CABIN1: variants seen among roughly 807,000 people sequenced by gnomAD.
CABIN1 encodes the protein calcineurin binding protein 1.
A neutral mutation model predicts 227.7 loss-of-function variants in CABIN1; 133 were observed. That is an observed-to-expected ratio of 0.58 (90% CI 0.51 to 0.67). The LOEUF (loss-of-function observed/expected upper bound fraction) is 0.67, where lower values mean the gene tolerates loss of function less well. Ranked by LOEUF, CABIN1 falls within the 30% of genes least tolerant of loss-of-function variation. CABIN1 has a pLI of 0.00. For synonymous variants in CABIN1, 1,086 were observed against 1,155.1 expected (o/e 0.94, Z 1.21); for missense variants, 2,408 against 2,852.5 (o/e 0.84, Z 3.55).
rs755445247 is a variant in CABIN1, at chr22:24,050,877, G to A, written c.709G>A (p.Val237Ile). ...SVSAAETQAI[V>I]DEALGLRKKR... ...GAGTGCAGCTGAGACACAGGCGATT[G>A]TAGATGAGGCCTTGGGGCTGCGAAA... Residue 237 changes from valine (V) to isoleucine (I), a missense_variant, in exon 8 of 37, where the codon GTA becomes ATA. Val to Ile is a conservative substitution (Grantham distance 29). Around this residue, in one of 3 missense-constraint regions of CABIN1, gnomAD observed 1,045 missense variants for 1,168.4 expected, o/e 0.89. Coordinates refer to ENST00000263119, the MANE Select transcript of CABIN1 (RefSeq NM_012295.4). 8.7e-6 allele frequency: 14 copies of A among 1,614,124 alleles called. No homozygotes were observed. The East Asian group carries it at 2.9e-4, about 33-fold the overall frequency.
intron 8 of CABIN1, 83 bp downstream of exon 8, chr22:24,051,057 C>G (rs2038294718): frequency 1.1e-5 from 18 of 1,571,038 alleles, no homozygotes; most frequent in Non-Finnish European, 1.5e-5. Flanking sequence ...GAGGGAGAGA[C>G]CTTGAGGCTT....
intron 26 of CABIN1, among the ~76,000 whole-genome samples, chr22:24,106,694 C>T (rs975991451): frequency 2.6e-5 from 4 of 152,220 alleles, no homozygotes; most frequent in Admixed American, 6.5e-5. Context: ...TTCTGTCTGT[C>T]TGTGGCCTCT....
At chr22:24,155,966 G>A in intron 29 of CABIN1, 1 of 526,372 alleles carries the variant, frequency 1.9e-6, no homozygotes, top group Non-Finnish European at 3.3e-6. Flanking sequence ...CCGTCCGGCC[G>A]CGCCTGCCCC....
chr22:24,165,113 G>A (rs1002206231), intron 30 of CABIN1, among the ~76,000 whole-genome samples: 1 of 152,198 alleles, frequency 6.6e-6, no homozygotes. Flanking sequence ...GCCTCACTCC[G>A]TCAGCTGGAC....
chr22:24,176,716 G>T lies in CABIN1; in HGVS notation c.6205+441G>T, dbSNP rs376691951. Among the ~76,000 whole-genome samples, 73 of 152,280 alleles carry T rather than the reference G, an allele frequency of 4.8e-4. No homozygotes were observed. In the East Asian group the frequency reaches 0.013, roughly 27 times the overall value. Reference sequence around the variant, plus strand: ...ACAGGTTGGGCTGGGCCAAGCAGGCGTCCCCGTCGACAGCCACGTCAGATT... The same window carrying T: ...ACAGGTTGGGCTGGGCCAAGCAGGCTTCCCCGTCGACAGCCACGTCAGATT... On this transcript the variant is annotated intron_variant, in intron 35 of 36. Coordinates refer to ENST00000263119, the MANE Select transcript of CABIN1 (RefSeq NM_012295.4).
intron 29 of CABIN1, among the ~76,000 whole-genome samples, chr22:24,144,812 T>A (rs1027790752): frequency 8.5e-5 from 13 of 152,214 alleles, no homozygotes; most frequent in African/African-American, 3.1e-4. Context: ...GTGCTCAATG[T>A]GACTGCACAG....
intron 18 of CABIN1, 137 bp downstream of exon 18, chr22:24,072,647 G>T (rs1270216367): frequency 1.4e-5 from 15 of 1,072,922 alleles, no homozygotes; most frequent in Admixed American, 4.0e-5. Flanking sequence ...TTTTGCATGC[G>T]CTTGGACAGA....
chr22:24,087,589 A>C lies in CABIN1; in HGVS notation c.3401A>C (p.Glu1134Ala). ...TTGAACTGCTTCCGTCGGGCCCTGGAGATTGACAGCTCCAACTTGTCCCTA... is the reference window on the plus strand; with the variant it reads ...TTGAACTGCTTCCGTCGGGCCCTGGCGATTGACAGCTCCAACTTGTCCCTA... ...PVLNCFRRAL[E>A]IDSSNLSLWI... Residue 1134 changes from glutamate to alanine, a missense_variant, in exon 23 of 37, where the codon GAG (glutamate) becomes GCG (alanine). By Grantham distance (107) the Glu-to-Ala change is moderately radical (BLOSUM62 -1). Coordinates refer to ENST00000263119, the MANE Select transcript of CABIN1 (RefSeq NM_012295.4). 1 of 1,614,152 alleles carries C rather than the reference A, an allele frequency of 6.2e-7. No individual in the cohort carries two copies. The highest frequency in any genetic ancestry group is 8.5e-7 in the Non-Finnish European group (1 of 1,180,028).
intron 19 of CABIN1, among the ~76,000 whole-genome samples, chr22:24,082,280 G>A (rs1040487548): frequency 1.3e-5 from 2 of 151,968 alleles, no homozygotes; most frequent in Non-Finnish European, 2.9e-5. Flanking sequence ...TGTAGAGACA[G>A]AGTCTCACTT....
At chr22:24,042,818 C>CCGTGTGTGTGTG in intron 5 of CABIN1, 86 bp from the exon 6 acceptor site, 3 of 685,054 alleles carry the variant, frequency 4.4e-6, no homozygotes, top group African/African-American at 3.1e-5. Flanking sequence ...AGAGATCTGA[C>CCGTGTGTGTGTG]TGTGTGTGTG....
chr22:24,163,684 G>C (rs1177830033), intron 29 of CABIN1, among the ~76,000 whole-genome samples: 1 of 152,154 alleles, frequency 6.6e-6, no homozygotes, highest in Non-Finnish European at 1.5e-5. Context: ...ACCCTGCCTG[G>C]ACCCCGAGTA....
intron 27 of CABIN1, among the ~76,000 whole-genome samples, chr22:24,119,165 C>T (rs967466011): frequency 6.6e-6 from 1 of 152,230 alleles, no homozygotes; most frequent in Non-Finnish European, 1.5e-5. Context: ...CAGCCTGTTT[C>T]ATGGAGCGGG....
intron 28 of CABIN1, among the ~76,000 whole-genome samples, chr22:24,127,042 G>A (rs1013042479): frequency 5.3e-5 from 8 of 151,800 alleles, no homozygotes; most frequent in East Asian, 1.9e-4. Flanking sequence ...AAAAACTGTC[G>A]CAAGGTTGTG....
In CABIN1 at chr22:24,056,242, A is replaced by G. The variant is rs767503103; in HGVS notation, c.1144A>G (p.Ile382Val). 3 of 1,613,976 alleles carry G rather than the reference A, an allele frequency of 1.9e-6. No individual in the cohort carries two copies. In the Admixed American group the frequency reaches 5.0e-5, roughly 27 times the overall value. Reference sequence around the variant, plus strand: ...CAAGAAAGGGGTAAAACGGAAGAAGATTTCAGAAGAGAGTGGAGAAACAGC... The same window carrying G: ...CAAGAAAGGGGTAAAACGGAAGAAGGTTTCAGAAGAGAGTGGAGAAACAGC... ...KSKKGVKRKK[I>V]SEESGETAKR... The change falls in exon 10 of 37, where the codon ATT becomes GTT. Residue 382 changes from isoleucine to valine, a missense_variant. By Grantham distance (29) the Ile-to-Val change is conservative. Around this residue, in one of 3 missense-constraint regions of CABIN1, gnomAD observed 1,045 missense variants for 1,168.4 expected, o/e 0.89. Coordinates refer to ENST00000263119, the MANE Select transcript of CABIN1 (RefSeq NM_012295.4).
chr22:24,162,567 C>A (rs1456256856), intron 29 of CABIN1, among the ~76,000 whole-genome samples: 1 of 152,230 alleles, frequency 6.6e-6, no homozygotes, highest in Non-Finnish European at 1.5e-5. Flanking sequence ...CACACTGTTA[C>A]CAGAAAAAGG....
chr22:24,027,831 A>G (rs958971641), intron 1 of CABIN1, among the ~76,000 whole-genome samples: 1 of 152,060 alleles, frequency 6.6e-6, no homozygotes, highest in Non-Finnish European at 1.5e-5. Flanking sequence ...GAGCCAATAC[A>G]TTACTGTTTT....
rs2047233240 is a variant in CABIN1, at chr22:24,178,352, T to C, written c.*156T>C. The C allele has an allele frequency of 1.4e-5, 13 of 899,374 alleles. No individual in the cohort carries two copies. In the South Asian group the frequency reaches 1.8e-4, roughly 12 times the overall value. The allele number at this position is 899,374 out of a possible 1,614,324, so 55.7% of individuals were successfully genotyped here. A position where few individuals can be genotyped will look rare whatever the true frequency, so the allele number is the denominator to read the frequency against. Reference sequence around the variant, plus strand: ...GCCCACCTCCTCATGGCATCCTCCCTGTACCCAGGTCAGGCTGTCCACACC... The same window carrying C: ...GCCCACCTCCTCATGGCATCCTCCCCGTACCCAGGTCAGGCTGTCCACACC... On this transcript the variant is annotated 3_prime_UTR_variant, in exon 37 of 37. Coordinates refer to ENST00000263119, the MANE Select transcript of CABIN1 (RefSeq NM_012295.4).
rs748135972 is a variant in CABIN1 at position 24,041,182 on chromosome 22, G to A, written c.254G>A (p.Gly85Glu). ...GDEKEGLKHPGLILKYSTYKN... is the reference protein window; with the variant it reads ...GDEKEGLKHPELILKYSTYKN... ...GAGAAAGAGGGGTTGAAACACCCTG[G>A]GCTGATACTGAAATATTCCACTTAT... The change falls in exon 5 of 37, where the codon GGG becomes GAG. Residue 85 changes from glycine (G) to glutamate (E), a missense_variant. Gly to Glu is a moderately conservative substitution (Grantham distance 98). Around this residue, in one of 3 missense-constraint regions of CABIN1, gnomAD observed 1,045 missense variants for 1,168.4 expected, o/e 0.89. Transcript: ENST00000263119. The A allele has an allele frequency of 6.2e-7, 1 of 1,614,208 alleles. No homozygotes were observed. Among genetic ancestry groups the A allele is most frequent in the Non-Finnish European group, 8.5e-7 (1 of 1,180,034 alleles).
intron 27 of CABIN1, among the ~76,000 whole-genome samples, 188 bp downstream of exon 27, chr22:24,113,936 C>T (rs1305696846): frequency 6.6e-6 from 1 of 152,210 alleles, no homozygotes; most frequent in Non-Finnish European, 1.5e-5. Context: ...TTGAGTGAGG[C>T]AGCTCCTGAG....
Sources: allele counts gnomAD v4.1 joint callset (sites outside exome capture counted in the v4.1 genomes callset), GRCh38; gene constraint gnomAD v4.1.1; regional missense constraint gnomAD v4.1.1; transcripts MANE v1.5; gene names NCBI Gene and HGNC (gene_info 2026-07-23, HGNC 2026-07-21).